Variants in CREBBP observed in about 807,000 individuals in gnomAD.
CREBBP encodes the protein CREB binding lysine acetyltransferase, also known as CREB-binding protein.
CREBBP carries 19 observed loss-of-function variants against 265.0 expected under a neutral mutation model. That is an observed-to-expected ratio of 0.07 (90% CI 0.05 to 0.11). The LOEUF is 0.11. Among genes scored for constraint, CREBBP ranks in the 10% least tolerant of loss-of-function variants. The pLI is 1.00. For missense variants in CREBBP, 2,525 were observed against 3,219.0 expected (o/e 0.78, Z 5.22); for synonymous variants, 1,457 against 1,223.7 (o/e 1.19, Z -3.98).
At chr16:3,840,993 A>G (rs1023208276) in intron 2 of CREBBP, 2 of 156,562 alleles carry the variant, frequency 1.3e-5, no homozygotes, top group Non-Finnish European at 2.9e-5. Flanking sequence ...GAATTACAAC[A>G]CTGAGCCACT....
intron 2 of CREBBP, among the ~76,000 whole-genome samples, chr16:3,846,331 T>G (rs908445711): frequency 3.3e-5 from 5 of 152,226 alleles, no homozygotes; most frequent in African/African-American, 1.2e-4. Context: ...TGGTCAAGAT[T>G]TGGACAGAGG....
intron 21 of CREBBP, among the ~76,000 whole-genome samples, chr16:3,746,381 C>G (rs2052343217): frequency 6.6e-6 from 1 of 152,084 alleles, no homozygotes; most frequent in Admixed American, 6.5e-5. Context: ...CAAATGGCGG[C>G]ACCCGTTCAT....
At chr16:3,754,123 G>A (rs1000212361) in intron 19 of CREBBP, among the ~76,000 whole-genome samples, 5 of 143,874 alleles carry the variant, frequency 3.5e-5, no homozygotes, top group African/African-American at 5.9e-5. Flanking sequence ...GAACCGGGGA[G>A]GCAAAGCATT....
In CREBBP at chr16:3,725,223, AGG is replaced by A. The variant is rs1427381754; in HGVS notation, c.*2493_*2494del. 1.0e-4 allele frequency: 24 copies of A among 233,564 alleles called. No homozygotes were observed. Among genetic ancestry groups the A allele is most frequent in the Non-Finnish European group, 1.8e-4 (21 of 118,052 alleles). The allele number at this position is 233,564 out of a possible 1,614,324, so 14.5% of individuals were successfully genotyped here. A position where few individuals can be genotyped will look rare whatever the true frequency, so the allele number is the denominator to read the frequency against. Reference sequence around the variant, plus strand: ...ACAGAAATTTCCTTACGACAAACTTAGGGTTAGCATCCACAGACCATGCTCTC... The same window carrying A: ...ACAGAAATTTCCTTACGACAAACTTAGTTAGCATCCACAGACCATGCTCTC... On this transcript the variant is annotated 3_prime_UTR_variant, in exon 31 of 31. Transcript: ENST00000262367.
chr16:3,875,102 G>A (rs564884565), intron 1 of CREBBP, among the ~76,000 whole-genome samples: 10 of 152,302 alleles, frequency 6.6e-5, no homozygotes, highest in Non-Finnish European at 8.8e-5. Context: ...AAACACAGGC[G>A]ACTAATCTAA....
chr16:3,852,747 C>T (rs2054878693), intron 1 of CREBBP, among the ~76,000 whole-genome samples: 2 of 152,066 alleles, frequency 1.3e-5, no homozygotes, highest in Non-Finnish European at 2.9e-5. Context: ...AAACACTAAA[C>T]AAAATAATCC....
chr16:3,839,702 A>AGGAAG (rs1481833146), intron 2 of CREBBP, among the ~76,000 whole-genome samples: 3 of 106,810 alleles, frequency 2.8e-5, no homozygotes, highest in Non-Finnish European at 3.6e-5. Flanking sequence ...AGAAAAAGGA[A>AGGAAG]GGAAGGGAAG....
At chr16:3,835,390 G>C (rs2054424754) in intron 2 of CREBBP, among the ~76,000 whole-genome samples, 1 of 151,906 alleles carries the variant, frequency 6.6e-6, no homozygotes, top group African/African-American at 2.4e-5. Context: ...TACGTGGCAA[G>C]CCATATAAAA....
intron 1 of CREBBP, among the ~76,000 whole-genome samples, chr16:3,868,923 G>A (rs2055235706): frequency 6.6e-6 from 1 of 152,152 alleles, no homozygotes; most frequent in Admixed American, 6.5e-5. Flanking sequence ...GTCAAGACTG[G>A]ATCCCGGGCC....
chr16:3,821,039 G>T (rs182560029), intron 2 of CREBBP, among the ~76,000 whole-genome samples: 160 of 152,242 alleles, frequency 1.1e-3, no homozygotes, highest in African/African-American at 3.7e-3. Context: ...AAAACGACGG[G>T]TCAAGGTCAC....
At position 3,880,333 on chromosome 16, in the gene CREBBP, G is replaced by T; in HGVS notation, c.-417C>A. On this transcript the variant is annotated 5_prime_UTR_variant, in exon 1 of 31. Coordinates refer to ENST00000262367, the MANE Select transcript of CREBBP (RefSeq NM_004380.3). ...GCCGCCGCCGCCTCGCTCCCCCCCC[G>T]CGCCCCACTTAATGAATTCGCTCGC... 1 of 125,176 alleles carries T rather than the reference G, an allele frequency of 8.0e-6. No homozygotes were observed. The highest frequency in any genetic ancestry group is 1.7e-5 in the Non-Finnish European group (1 of 57,646). The allele number at this position is 125,176 out of a possible 1,614,324, so 7.8% of individuals were successfully genotyped here. A position where few individuals can be genotyped will look rare whatever the true frequency, so the allele number is the denominator to read the frequency against.
intron 5 of CREBBP, among the ~76,000 whole-genome samples, chr16:3,788,303 G>T (rs556778849): frequency 6.6e-6 from 1 of 152,184 alleles, no homozygotes; most frequent in South Asian, 2.1e-4. Context: ...TAATCACCCA[G>T]GATTTTTATA....
At chr16:3,802,962 A>G (rs1293606450) in intron 3 of CREBBP, among the ~76,000 whole-genome samples, 24 of 152,022 alleles carry the variant, frequency 1.6e-4, no homozygotes, top group Admixed American at 1.6e-3. Context: ...GTTCCCTCAT[A>G]AGGACCTACA....
intron 14 of CREBBP, among the ~76,000 whole-genome samples, chr16:3,769,732 G>C (rs2052952491): frequency 6.6e-6 from 1 of 152,204 alleles, no homozygotes; most frequent in Non-Finnish European, 1.5e-5. Flanking sequence ...CACATCTGAA[G>C]GGAGGGAAAT....
In CREBBP at chr16:3,727,765, C is replaced by G. The variant is rs761138453; in HGVS notation, c.7282G>C (p.Gly2428Arg). 1.9e-6 allele frequency: 3 copies of G among 1,614,138 alleles called. No individual in the cohort carries two copies. The highest frequency in any genetic ancestry group is 2.5e-6 in the Non-Finnish European group (3 of 1,180,024). The stretch of plus-strand genomic sequence containing the variant: ...TCTAGCGTGTCCCCCGTGGTGTCCC[C>G]GACCAGGGACAGTTCGCTGGACAGC... ...SALSSELSLVGDTTGDTLEKF... is the reference protein window; with the variant it reads ...SALSSELSLVRDTTGDTLEKF... Residue 2428 changes from glycine to arginine, a missense_variant, in exon 31 of 31, where the codon GGG becomes CGG. By Grantham distance (125) the Gly-to-Arg change is moderately radical. Around this residue, in one of 19 missense-constraint regions of CREBBP, gnomAD observed 473 missense variants for 459.3 expected, o/e 1.03. Transcript: ENST00000262367.
chr16:3,795,981 A>G (rs887634317), intron 3 of CREBBP, among the ~76,000 whole-genome samples: 1 of 152,156 alleles, frequency 6.6e-6, no homozygotes, highest in Non-Finnish European at 1.5e-5. Context: ...GGTGTTCACA[A>G]ATCAGGACCC....
At chr16:3,849,784 G>T (rs548414890) in intron 2 of CREBBP, among the ~76,000 whole-genome samples, 7 of 151,920 alleles carry the variant, frequency 4.6e-5, no homozygotes, top group Non-Finnish European at 7.4e-5. Flanking sequence ...TGGTCCAGGG[G>T]ACCCCACTTG....
At chr16:3,785,614 C>T (rs951750256) in intron 5 of CREBBP, among the ~76,000 whole-genome samples, 4 of 152,238 alleles carry the variant, frequency 2.6e-5, no homozygotes, top group Non-Finnish European at 2.9e-5. Flanking sequence ...CGTGGGCCCT[C>T]GCAGCGCAGC....
intron 1 of CREBBP, among the ~76,000 whole-genome samples, chr16:3,861,652 CAAA>C (rs368654449): frequency 8.1e-4 from 98 of 121,078 alleles, no homozygotes; most frequent in African/African-American, 2.5e-3. Flanking sequence ...CTCTCTATAC[CAAA>C]AAAAAAAAAA....
Sources: gnomAD v4.1 joint callset for allele counts (sites outside exome capture counted in the v4.1 genomes callset) on GRCh38, gnomAD v4.1.1 for gene constraint, gnomAD v4.1.1 regional missense constraint, MANE v1.5 for transcripts, NCBI Gene and HGNC (gene_info 2026-07-23, HGNC 2026-07-21) for gene names.